The following LAMA2 variants were observed in gnomAD, a reference collection of about 807,000 sequenced individuals.
LAMA2 encodes laminin subunit alpha 2.
LAMA2 carries 269 observed loss-of-function variants against 364.8 expected under a neutral mutation model. The observed-to-expected ratio is 0.74, with a 90% CI of 0.67 to 0.82. The LOEUF is 0.82. Among genes scored for constraint, LAMA2 ranks in the 40% least tolerant of loss-of-function variants. The pLI, the probability that LAMA2 is intolerant of heterozygous loss-of-function variation, is 0.00. For synonymous variants in LAMA2, 1,379 were observed against 1,370.6 expected, an observed-to-expected ratio of 1.01 and a Z score of -0.14; for missense variants, 3,807 against 3,873.2, an observed-to-expected ratio of 0.98 and a Z score of 0.45.
intron 1 of LAMA2, among the ~76,000 whole-genome samples, chr6:128,970,365 C>T (rs758226916): frequency 6.6e-6 from 1 of 152,122 alleles, no homozygotes; most frequent in Non-Finnish European, 1.5e-5. Context: ...ATCTTTCAAA[C>T]GTCTGTCACT....
At chr6:129,378,280 A>G (rs969604725) in intron 34 of LAMA2, among the ~76,000 whole-genome samples, 3 of 152,224 alleles carry the variant, frequency 2.0e-5, no homozygotes, top group African/African-American at 7.2e-5. Flanking sequence ...GCCAAACTGA[A>G]TCAGACAGAT....
At chr6:129,048,477 TTTCTTTCTTTCTTTCTTTCCTTCCTTCC>T (rs1787710397) in intron 1 of LAMA2, among the ~76,000 whole-genome samples, 1 of 67,830 alleles carries the variant, frequency 1.5e-5, no homozygotes, top group Non-Finnish European at 3.1e-5. Flanking sequence ...TCTTTCTTTC[TTTCTTTCTTTCTTTCTTTCCTTCCTTCC>T]TTCCTTCCTT....
intron 1 of LAMA2, among the ~76,000 whole-genome samples, chr6:129,039,710 C>T (rs1333178181): frequency 1.3e-5 from 2 of 152,112 alleles, no homozygotes; most frequent in Admixed American, 1.3e-4. Context: ...ACTGTTCCAC[C>T]TCAGATCATC....
intron 23 of LAMA2, among the ~76,000 whole-genome samples, chr6:129,314,291 C>G (rs1466431381): frequency 6.7e-6 from 1 of 150,124 alleles, no homozygotes; most frequent in African/African-American, 2.4e-5. Context: ...CCCATCTACT[C>G]GGAAGGCTGA....
At chr6:129,408,376 G>A (rs141314895) in intron 40 of LAMA2, among the ~76,000 whole-genome samples, 1 of 152,274 alleles carries the variant, frequency 6.6e-6, no homozygotes, top group Admixed American at 6.5e-5. Context: ...TGGGAAACAT[G>A]ATAAGACCAG....
At chr6:129,251,666 C>T (rs1786255250) in intron 13 of LAMA2, among the ~76,000 whole-genome samples, 1 of 152,134 alleles carries the variant, frequency 6.6e-6, no homozygotes, top group Non-Finnish European at 1.5e-5. Context: ...GGTGTGGTGG[C>T]TCATGTCTGT....
intron 34 of LAMA2, among the ~76,000 whole-genome samples, chr6:129,379,130 C>G (rs536886418): frequency 6.6e-6 from 1 of 152,144 alleles, no homozygotes; most frequent in African/African-American, 2.4e-5. Context: ...ACTGTATGTC[C>G]CACTTATAAA....
chr6:129,263,196 G>A (rs967287238), intron 15 of LAMA2, among the ~76,000 whole-genome samples: 3 of 152,066 alleles, frequency 2.0e-5, no homozygotes, highest in African/African-American at 2.4e-5. Flanking sequence ...TGTATTTTGA[G>A]ACAAACAAGA....
chr6:128,886,415 C>T (rs1222311433), intron 1 of LAMA2, among the ~76,000 whole-genome samples: 1 of 151,998 alleles, frequency 6.6e-6, no homozygotes, highest in Non-Finnish European at 1.5e-5. Context: ...TCGATATGAA[C>T]ATATAGTGTA....
At chr6:129,253,103 TA>T (rs34953233) in intron 14 of LAMA2, among the ~76,000 whole-genome samples, 39,589 of 152,094 alleles carry the variant, frequency 0.26, 7,730 homozygotes, top group African/African-American at 0.55. Context: ...TTAACTGCTG[TA>T]AGGCGGCTTT....
chr6:128,952,823 T>C (rs1780913450), intron 1 of LAMA2, among the ~76,000 whole-genome samples: 1 of 152,210 alleles, frequency 6.6e-6, no homozygotes, highest in Non-Finnish European at 1.5e-5. Flanking sequence ...TCTATTGATC[T>C]GTCCAGGGAA....
rs765272813 is a variant in LAMA2 at position 129,287,835 on chromosome 6, T to G, written c.2538-12T>G. Reference sequence around the variant, plus strand: ...CCCCCCAAAGGCTCACTGATGAAATTTCTTGCCTTAGGTGTGCAGAAGGCT... The same window carrying G: ...CCCCCCAAAGGCTCACTGATGAAATGTCTTGCCTTAGGTGTGCAGAAGGCT... On this transcript the variant is annotated splice_polypyrimidine_tract_variant and intron_variant, in intron 18 of 64. Transcript: ENST00000421865. 6.2e-6 allele frequency: 10 copies of G among 1,611,364 alleles called. No individual in the cohort carries two copies. Among genetic ancestry groups the G allele is most frequent in the Non-Finnish European group, 8.5e-6 (10 of 1,177,832 alleles).
intron 2 of LAMA2, 43 bp downstream of exon 2, chr6:129,050,131 T>C (rs1453951384): frequency 1.2e-6 from 2 of 1,601,000 alleles, no homozygotes; most frequent in Non-Finnish European, 1.7e-6. Context: ...GGGTAGGATC[T>C]ATAATTGTGA....
intron 17 of LAMA2, among the ~76,000 whole-genome samples, chr6:129,275,157 A>G (rs774048845): frequency 1.3e-5 from 2 of 152,050 alleles, no homozygotes; most frequent in African/African-American, 2.4e-5. Context: ...AAATTAATAT[A>G]GAGAAATGTA....
Position 129,252,207 on chromosome 6 carries a change from C to T in LAMA2, c.2008C>T (p.Arg670Cys), listed in dbSNP as rs1324159581. Residue 670 changes from arginine to cysteine, a missense_variant, in exon 14 of 65, where the codon CGT becomes TGT. Physicochemically the swap from Arg to Cys is radical, Grantham distance 180 (BLOSUM62 -3). This residue lies in a region of LAMA2 where 3,333 missense variants were observed against 3,345.7 expected (regional missense o/e 1.00). Transcript: ENST00000421865. ...CATACATGGCACACATTTTCCAGTC[C>T]GTAGAAAGGAATTTATGACAGTGCT... Reference protein sequence around the residue: ...FTIHGTHFPVRRKEFMTVLAN... With the variant: ...FTIHGTHFPVCRKEFMTVLAN... 3 of 1,613,742 alleles carry T rather than the reference C, an allele frequency of 1.9e-6. No homozygotes were observed. Among genetic ancestry groups the T allele is most frequent in the Admixed American group, 1.7e-5 (1 of 60,002 alleles).
chr6:129,377,450 A>G (rs1033214381), intron 34 of LAMA2, among the ~76,000 whole-genome samples: 5 of 152,166 alleles, frequency 3.3e-5, no homozygotes, highest in Admixed American at 6.5e-5. Flanking sequence ...TAAAATTGGC[A>G]CGTGAAATAT....
At chr6:128,959,790 G>T (rs1781366518) in intron 1 of LAMA2, among the ~76,000 whole-genome samples, 1 of 151,816 alleles carries the variant, frequency 6.6e-6, no homozygotes, top group Non-Finnish European at 1.5e-5. Context: ...GTTTACTTAT[G>T]TATTAGGTAA....
intron 12 of LAMA2, among the ~76,000 whole-genome samples, chr6:129,247,103 C>A (rs1785802761): frequency 6.6e-6 from 1 of 152,130 alleles, no homozygotes; most frequent in Admixed American, 6.6e-5. Flanking sequence ...GTTAATATTC[C>A]TAGGGGTGCA....
At position 129,200,331 on chromosome 6, in the gene LAMA2, C is replaced by CATGTGTATAT. The variant is rs1329039729; in HGVS notation, c.1782+7480_1782+7481insGTGTATATAT. On this transcript the variant is annotated intron_variant, in intron 12 of 64. Coordinates refer to ENST00000421865, the MANE Select transcript of LAMA2 (RefSeq NM_000426.4). ...GTATATATATACGTGTACACATATA[C>CATGTGTATAT]ATATACACGTATATGTGTACACATA... is the stretch of plus-strand genomic sequence containing the variant. Among the ~76,000 whole-genome samples, 23 of 141,430 alleles carry CATGTGTATAT rather than the reference C, an allele frequency of 1.6e-4. 2 individuals are homozygous for CATGTGTATAT. Among genetic ancestry groups the CATGTGTATAT allele is most frequent in the South Asian group, 4.5e-4 (2 of 4,480 alleles). 92.8% of individuals were successfully genotyped at this position (141,430 alleles called of 152,430 possible).
Sources: allele counts gnomAD v4.1 joint callset (sites outside exome capture counted in the v4.1 genomes callset), GRCh38; gene constraint gnomAD v4.1.1; regional missense constraint gnomAD v4.1.1; transcripts MANE v1.5; gene names NCBI Gene and HGNC (gene_info 2026-07-23, HGNC 2026-07-21).